Variants in BCL2 observed in about 807,000 individuals in gnomAD.
The protein encoded by BCL2 is apoptosis regulator Bcl-2.
Under a neutral mutation model 14.2 loss-of-function variants are expected in BCL2, and 1 was observed. The ratio of observed to expected loss-of-function variants is 0.07; its 90% confidence interval spans 0.02 to 0.33. The LOEUF is 0.33. BCL2 is among the 10% of genes least tolerant of loss of function. The pLI is 0.99. For synonymous variants in BCL2, 151 were observed against 137.2 expected, an observed-to-expected ratio of 1.10 and a Z score of -0.70; for missense variants, 247 against 305.9, an observed-to-expected ratio of 0.81 and a Z score of 1.44.
chr18:63,138,792 C>A (rs1490594885), intron 2 of BCL2, among the ~76,000 whole-genome samples: 1 of 152,198 alleles, frequency 6.6e-6, no homozygotes, highest in Non-Finnish European at 1.5e-5. Flanking sequence ...AAAACAAAAA[C>A]AAAACTTGCC....
chr18:63,240,923 G>C (rs530185882), intron 2 of BCL2, among the ~76,000 whole-genome samples: 1 of 152,320 alleles, frequency 6.6e-6, no homozygotes, highest in East Asian at 1.9e-4. Flanking sequence ...CTGAAAGAAT[G>C]AACAAACGAG....
chr18:63,187,153 C>T (rs1164727965), intron 2 of BCL2, among the ~76,000 whole-genome samples: 1 of 152,172 alleles, frequency 6.6e-6, no homozygotes, highest in Admixed American at 6.5e-5. Flanking sequence ...GTCAGTGTGA[C>T]TTTAGGAAGG....
intron 2 of BCL2, among the ~76,000 whole-genome samples, chr18:63,175,992 G>A (rs1422636334): frequency 2.6e-5 from 4 of 152,164 alleles, no homozygotes; most frequent in African/African-American, 4.8e-5. Context: ...GGGAAGGTGG[G>A]TGAAAATTGT....
In BCL2 at chr18:63,318,421, C is replaced by T; in HGVS notation, c.246G>A (p.Ala82=). The change falls in exon 2 of 3, where the codon GCG becomes GCA. Residue 82 remains alanine (A), a synonymous_variant. Coordinates refer to ENST00000333681, the MANE Select transcript of BCL2 (RefSeq NM_000633.3). The surrounding 1 kb of genome is among the most constrained non-coding windows in gnomAD (Gnocchi z 7.4). ...LQTPAAPGAA[A]GPALSPVPPV... is the part of the protein sequence containing the mutation. The stretch of plus-strand genomic sequence containing the variant: ...GTGGCACCGGGCTGAGCGCAGGCCC[C>T]GCGGCGGCGCCGGGGGCAGCCGGGG... The T allele has an allele frequency of 6.7e-7, 1 of 1,493,114 alleles. No homozygotes were observed. Among genetic ancestry groups the T allele is most frequent in the Non-Finnish European group, 8.8e-7 (1 of 1,131,418 alleles). The allele number at this position is 1,493,114 out of a possible 1,614,324, so 92.5% of individuals were successfully genotyped here.
At chr18:63,241,251 A>T (rs547563560) in intron 2 of BCL2, among the ~76,000 whole-genome samples, 2 of 152,330 alleles carry the variant, frequency 1.3e-5, no homozygotes, top group South Asian at 4.1e-4. Flanking sequence ...TGTTATTTTC[A>T]ATAATGAGAC....
chr18:63,211,827 A>G (rs1910015504), intron 2 of BCL2, among the ~76,000 whole-genome samples: 1 of 152,210 alleles, frequency 6.6e-6, no homozygotes, highest in Admixed American at 6.5e-5. Context: ...CTGCGGCAGC[A>G]CCAGCCTGAA....
intron 2 of BCL2, 166 bp downstream of exon 2, chr18:63,317,916 G>T (rs1913546787): frequency 1.4e-6 from 2 of 1,447,344 alleles, no homozygotes; most frequent in Non-Finnish European, 1.8e-6. Flanking sequence ...GGTTGGGAGT[G>T]AACGCTTTGT....
At chr18:63,268,745 A>C (rs1451382161) in intron 2 of BCL2, among the ~76,000 whole-genome samples, 3 of 152,342 alleles carry the variant, frequency 2.0e-5, no homozygotes, top group African/African-American at 7.2e-5. Flanking sequence ...TGTGGCAATG[A>C]CAAATATATT....
intron 2 of BCL2, among the ~76,000 whole-genome samples, chr18:63,277,397 C>G (rs182000084): frequency 1.3e-5 from 2 of 151,800 alleles, no homozygotes; most frequent in East Asian, 3.9e-4. Context: ...CTTTGGGAGA[C>G]CAAGGAAGGA....
At chr18:63,168,458 T>C (rs1915097758) in intron 2 of BCL2, among the ~76,000 whole-genome samples, 2 of 152,140 alleles carry the variant, frequency 1.3e-5, no homozygotes, top group African/African-American at 4.8e-5. Context: ...AATGTTGAGG[T>C]GGGGACTGAG....
chr18:63,222,215 A>G (rs141040580), intron 2 of BCL2, among the ~76,000 whole-genome samples: 5 of 149,786 alleles, frequency 3.3e-5, no homozygotes, highest in South Asian at 4.3e-4. Context: ...CAGAGGTTTC[A>G]GTGAGCCGAG....
chr18:63,226,835 CAT>C (rs1168647541), intron 2 of BCL2, among the ~76,000 whole-genome samples: 1 of 151,862 alleles, frequency 6.6e-6, no homozygotes, highest in Non-Finnish European at 1.5e-5. Context: ...AAAAGAGAGA[CAT>C]GAGAAATCTG....
At chr18:63,223,722 T>C (rs141531734) in intron 2 of BCL2, among the ~76,000 whole-genome samples, 7 of 152,358 alleles carry the variant, frequency 4.6e-5, no homozygotes, top group Non-Finnish European at 1.0e-4. Flanking sequence ...GGTTTTCCCA[T>C]TAGGAGACTT....
chr18:63,194,930 G>T (rs1909404104), intron 2 of BCL2, among the ~76,000 whole-genome samples: 1 of 152,168 alleles, frequency 6.6e-6, no homozygotes, highest in Admixed American at 6.5e-5. Context: ...AACCTGCAAG[G>T]TCACCTCTAT....
chr18:63,245,220 C>T (rs1911120982), intron 2 of BCL2, among the ~76,000 whole-genome samples: 2 of 152,204 alleles, frequency 1.3e-5, no homozygotes, highest in South Asian at 4.1e-4. Flanking sequence ...GGCCACATGA[C>T]TGGTATTAGC....
chr18:63,157,463 C>A (rs376845071), intron 2 of BCL2, among the ~76,000 whole-genome samples: 3 of 152,332 alleles, frequency 2.0e-5, no homozygotes, highest in East Asian at 1.9e-4. Context: ...GTTCATAGAA[C>A]CATGCACGCG....
At chr18:63,148,505 A>AATC (rs1914569355) in intron 2 of BCL2, among the ~76,000 whole-genome samples, 1 of 152,214 alleles carries the variant, frequency 6.6e-6, no homozygotes, top group African/African-American at 2.4e-5. Context: ...CTTAATCCTT[A>AATC]ATCTTTCTGG....
chr18:63,197,700 A>AGGG (rs373284680), intron 2 of BCL2, among the ~76,000 whole-genome samples: 163 of 151,878 alleles, frequency 1.1e-3, no homozygotes, highest in African/African-American at 3.6e-3. Context: ...GAAGGAAGTG[A>AGGG]GGGAGGAGGA....
At chr18:63,177,360 G>A (rs1345435042) in intron 2 of BCL2, among the ~76,000 whole-genome samples, 2 of 152,180 alleles carry the variant, frequency 1.3e-5, no homozygotes, top group East Asian at 3.9e-4. Context: ...TACCAAGGAT[G>A]CCTCTCCACA....
Sources: allele counts gnomAD v4.1 joint callset (sites outside exome capture counted in the v4.1 genomes callset), GRCh38; gene constraint gnomAD v4.1.1; non-coding constraint Gnocchi (gnomAD v3.1); transcripts MANE v1.5; gene names NCBI Gene and HGNC (gene_info 2026-07-23, HGNC 2026-07-21).